MYOM1: variants seen among roughly 807,000 people sequenced by gnomAD.
MYOM1 encodes myomesin-1.
In MYOM1, 164 loss-of-function variants were observed where a neutral mutation model predicts 205.3. The observed-to-expected ratio is 0.80, with a 90% confidence interval of 0.70 to 0.91. The LOEUF is 0.91. Among genes scored for constraint, MYOM1 ranks in the 40% least tolerant of loss-of-function variants. The probability of loss-of-function intolerance (pLI) is 0.00; values close to 1 mark genes in which losing one functional copy is unlikely to be tolerated. For synonymous variants in MYOM1, 772 were observed against 789.4 expected (o/e 0.98, Z 0.37); for missense variants, 2,011 against 2,127.3 (o/e 0.95, Z 1.08).
At chr18:3,076,681 C>G (rs916185290) in intron 34 of MYOM1, among the ~76,000 whole-genome samples, 1 of 150,874 alleles carries the variant, frequency 6.6e-6, no homozygotes, top group Admixed American at 6.6e-5. Flanking sequence ...CTGTGCCTGC[C>G]GAGTAAGCCA....
chr18:3,124,305 T>TTTC (rs1000604700), intron 19 of MYOM1, among the ~76,000 whole-genome samples: 1 of 141,376 alleles, frequency 7.1e-6, no homozygotes, highest in African/African-American at 2.8e-5. Flanking sequence ...TCTTTTTTCT[T>TTTC]TTTTTTTTTT....
At chr18:3,228,425 G>A in the MYOM1 span, among the ~76,000 whole-genome samples, 1 of 152,068 alleles carries the variant, frequency 6.6e-6, no homozygotes. The surrounding 1 kb of genome is among the most constrained non-coding windows in gnomAD (Gnocchi z 4.5). Context: ...CCAGATCTTC[G>A]CTTGCAACAT....
the MYOM1 span, among the ~76,000 whole-genome samples, chr18:3,243,037 A>AT: frequency 6.6e-6 from 1 of 152,086 alleles, no homozygotes; most frequent in African/African-American, 2.4e-5. Context: ...ATTTCACATA[A>AT]TTTTTTATCT....
intron 25 of MYOM1, among the ~76,000 whole-genome samples, chr18:3,097,159 C>CA (rs533935119): frequency 1.6e-4 from 25 of 152,284 alleles, no homozygotes; most frequent in African/African-American, 5.8e-4. Flanking sequence ...TAAAACTTTA[C>CA]AAAATCTCAA....
intron 2 of MYOM1, among the ~76,000 whole-genome samples, chr18:3,201,422 C>A: frequency 6.6e-6 from 1 of 151,546 alleles, no homozygotes; most frequent in South Asian, 2.1e-4. Context: ...GAAAAAAAGA[C>A]TAAAGGTAAT....
intron 19 of MYOM1, among the ~76,000 whole-genome samples, chr18:3,125,911 G>A (rs1372446505): frequency 6.6e-6 from 1 of 152,136 alleles, no homozygotes; most frequent in African/African-American, 2.4e-5. Flanking sequence ...CCACTTCACA[G>A]CTGGTGAGCT....
the MYOM1 span, among the ~76,000 whole-genome samples, chr18:3,237,411 TAAC>T: frequency 2.0e-5 from 3 of 151,592 alleles, no homozygotes; most frequent in Non-Finnish European, 4.4e-5. Flanking sequence ...CCATCCTGGC[TAAC>T]AAGGTGAAAC....
Position 3,089,565 on chromosome 18 carries a change from G to C in MYOM1, c.4041C>G (p.Phe1347Leu). ...VFKKLQKEAEFQRQEWIRKQG... is the reference protein window; with the variant it reads ...VFKKLQKEAELQRQEWIRKQG... ...GTTTCCTGATCCATTCTTGCCGCTG[G>C]AATTCAGCTTCTTTCTGGAGCTTTT... The change falls in exon 28 of 38, where the codon TTC (phenylalanine) becomes TTG (leucine). Residue 1347 changes from phenylalanine to leucine, a missense_variant. Coordinates refer to ENST00000356443, the MANE Select transcript of MYOM1 (RefSeq NM_003803.4). 1 of 1,609,032 alleles carries C rather than the reference G, an allele frequency of 6.2e-7. No homozygotes were observed. The highest frequency in any genetic ancestry group is 1.1e-5 in the South Asian group (1 of 90,182).
chr18:3,180,387 C>T (rs1411649084), intron 5 of MYOM1, among the ~76,000 whole-genome samples: 2 of 152,146 alleles, frequency 1.3e-5, no homozygotes, highest in Non-Finnish European at 2.9e-5. Flanking sequence ...TCATTTAAAG[C>T]GGTGGTCAAG....
chr18:3,244,015 T>C, the MYOM1 span, among the ~76,000 whole-genome samples: 2 of 152,194 alleles, frequency 1.3e-5, no homozygotes, highest in Admixed American at 6.5e-5. Context: ...GCTATAAATA[T>C]TGAGTTTCCA....
chr18:3,140,285 T>C (rs1430602234), intron 14 of MYOM1, among the ~76,000 whole-genome samples: 2 of 151,956 alleles, frequency 1.3e-5, no homozygotes, highest in Non-Finnish European at 2.9e-5. Context: ...CTCACGCCTG[T>C]AATCCCAGCT....
chr18:3,229,869 T>A, the MYOM1 span, among the ~76,000 whole-genome samples: 4 of 146,982 alleles, frequency 2.7e-5, no homozygotes, highest in African/African-American at 1.0e-4. Context: ...CTCAGGAGGA[T>A]GAAGCAGGAG....
In MYOM1 at chr18:3,100,161, G is replaced by T. The variant is rs1327442798; in HGVS notation, c.3725C>A (p.Pro1242Gln). 1 of 1,613,682 alleles carries T rather than the reference G, an allele frequency of 6.2e-7. No individual in the cohort carries two copies. The highest frequency in any genetic ancestry group is 1.7e-5 in the Admixed American group (1 of 59,998). ...LLALSHEHKF[P>Q]TVPVKSELAV... ...GTGAATGTATTGTGGATACTTACTT[G>T]GGAACTTGTGTTCATGGCTGAGAGC... Residue 1242 changes from proline (P) to glutamine (Q), a missense_variant and splice_region_variant, in exon 25 of 38, where the codon CCA becomes CAA. Transcript: ENST00000356443.
chr18:3,131,785 T>C (rs1301853496), intron 16 of MYOM1, among the ~76,000 whole-genome samples: 1 of 151,690 alleles, frequency 6.6e-6, no homozygotes, highest in Non-Finnish European at 1.5e-5. Flanking sequence ...TGTAGAAAGA[T>C]TCAGGTAATA....
chr18:3,201,672 G>C lies in MYOM1; in HGVS notation c.291-7714C>G, dbSNP rs374775333. Among the ~76,000 whole-genome samples the C allele has an allele frequency of 1.4e-4, 20 of 146,156 alleles. No homozygotes were observed. In the East Asian group the frequency reaches 3.4e-3, roughly 25 times the overall value. On this transcript the variant is annotated intron_variant, in intron 2 of 37. Transcript: ENST00000356443. The stretch of plus-strand genomic sequence containing the variant: ...AATTCTTTTTTTTTTTTTTGAGACA[G>C]AGTCTTGCTCTGTCACCCAGGCTGG...
At chr18:3,164,559 A>AAGAGT (rs1455386791) in intron 9 of MYOM1, 120 bp from the exon 10 acceptor site, 2 of 969,452 alleles carry the variant, frequency 2.1e-6, no homozygotes, top group Non-Finnish European at 3.0e-6. Flanking sequence ...CTACTAGAGG[A>AAGAGT]AGTCTCTAGG....
rs2079150287 is a variant in MYOM1, at chr18:3,086,102, C to T, written c.4187G>A (p.Arg1396Lys). 6.2e-7 allele frequency: 1 copy of T among 1,612,142 alleles called. No individual in the cohort carries two copies. The highest frequency in any genetic ancestry group is 8.5e-7 in the Non-Finnish European group (1 of 1,179,338). The change falls in exon 30 of 38, where the codon AGG (arginine) becomes AAG (lysine). Residue 1396 changes from arginine to lysine, a missense_variant. Transcript: ENST00000356443. ...ETHIVWYKDE[R>K]EISVDEKHDF... ...ATGCTTTTCATCCACTGATATCTCC[C>T]TCTCATCTTTGTACCACACAATATG... is the stretch of plus-strand genomic sequence containing the variant.
chr18:3,072,422 C>T (rs1199196183), intron 36 of MYOM1, among the ~76,000 whole-genome samples: 2 of 136,866 alleles, frequency 1.5e-5, no homozygotes, highest in Admixed American at 1.5e-4. Context: ...GGCGCAATCT[C>T]AGCTCACTGC....
intron 19 of MYOM1, among the ~76,000 whole-genome samples, chr18:3,122,347 G>A (rs563085126): frequency 4.1e-4 from 63 of 152,130 alleles, no homozygotes; most frequent in African/African-American, 1.4e-3. Context: ...CCATGCAAAA[G>A]TCACCCCACC....
Sources: allele counts gnomAD v4.1 joint callset (sites outside exome capture counted in the v4.1 genomes callset), GRCh38; gene constraint gnomAD v4.1.1; non-coding constraint Gnocchi (gnomAD v3.1); transcripts MANE v1.5; gene names NCBI Gene and HGNC (gene_info 2026-07-23, HGNC 2026-07-21).